Variants in SHISAL1 observed in about 807,000 individuals in gnomAD.
The protein encoded by SHISAL1 is shisa like 1.
Under a neutral mutation model 22.6 loss-of-function variants are expected in SHISAL1, and 9 were observed. That is an observed-to-expected ratio of 0.40 (90% CI 0.24 to 0.70). The LOEUF (loss-of-function observed/expected upper bound fraction) is 0.70. SHISAL1 is among the 30% of genes least tolerant of loss of function. The pLI, the probability that SHISAL1 is intolerant of heterozygous loss-of-function variation, is 0.39. For synonymous variants in SHISAL1, 119 were observed against 115.4 expected (o/e 1.03, Z -0.20); for missense variants, 246 against 270.6 (o/e 0.91, Z 0.64).
chr22:44,303,161 G>C (rs2055444595), intron 1 of SHISAL1, among the ~76,000 whole-genome samples: 1 of 152,072 alleles, frequency 6.6e-6, no homozygotes, highest in Non-Finnish European at 1.5e-5. Context: ...AGAGATGGGA[G>C]TTGATTTGCT....
chr22:44,256,859 A>T (rs563538321), intron 4 of SHISAL1, among the ~76,000 whole-genome samples: 21 of 152,354 alleles, frequency 1.4e-4, no homozygotes, highest in African/African-American at 4.3e-4. Context: ...AATTTCCAAG[A>T]AAAGAGAAAT....
At chr22:44,270,722 G>A (rs144485359) in intron 4 of SHISAL1, among the ~76,000 whole-genome samples, 76 of 152,146 alleles carry the variant, frequency 5.0e-4, no homozygotes, top group Non-Finnish European at 7.9e-4. Flanking sequence ...ACCCAAGGAC[G>A]CTGGGGGCCC....
At position 44,245,947 on chromosome 22, in the gene SHISAL1, A is replaced by G. The variant is rs1385189861; in HGVS notation, c.*3738T>C. 1.3e-5 allele frequency: 2 copies of G among 152,280 alleles called. No homozygotes were observed. Among genetic ancestry groups the G allele is most frequent in the African/African-American group, 4.8e-5 (2 of 41,472 alleles). The allele number at this position is 152,280 out of a possible 1,614,324, so 9.4% of individuals were successfully genotyped here. A position where few individuals can be genotyped will look rare whatever the true frequency, so the allele number is the denominator to read the frequency against. On this transcript the variant is annotated 3_prime_UTR_variant, in exon 5 of 5. Transcript: ENST00000381176. ...GCTTTCTAGAGCATTGGAGACAGCAAGAGGGACCAGATCTACCTGTGAAAT... is the reference window on the plus strand; with the variant it reads ...GCTTTCTAGAGCATTGGAGACAGCAGGAGGGACCAGATCTACCTGTGAAAT...
rs1014249527 is a variant in SHISAL1 at position 44,248,333 on chromosome 22, A to G, written c.*1352T>C. 2.0e-5 allele frequency: 3 copies of G among 152,258 alleles called. No homozygotes were observed. The highest frequency in any genetic ancestry group is 2.9e-5 in the Non-Finnish European group (2 of 68,084). 9.4% of individuals were successfully genotyped at this position (152,258 alleles called of 1,614,324 possible). On this transcript the variant is annotated 3_prime_UTR_variant, in exon 5 of 5. Transcript: ENST00000381176. ...CACATTGATCAAGCAGGGCCTCCCG[A>G]GCTAAGAGCTGGGGGAGATTTGGTA... is the stretch of plus-strand genomic sequence containing the variant.
rs1443807151 is a variant in SHISAL1 at position 44,261,148 on chromosome 22, C to CT, written c.*-11464dup. Among the ~76,000 whole-genome samples the CT allele has an allele frequency of 2.6e-4, 32 of 125,028 alleles. No homozygotes were observed. In the East Asian group the frequency reaches 4.3e-3, roughly 17 times the overall value. The allele number at this position is 125,028 out of a possible 152,430, so 82.0% of individuals were successfully genotyped here. On this transcript the variant is annotated intron_variant, in intron 4 of 4. Transcript: ENST00000381176. ...AAATGAAATATTTCAAAATCAATGA[C>CT]TTTTAAAAAAAAAAAATTCTACTTA... is the stretch of plus-strand genomic sequence containing the variant.
intron 2 of SHISAL1, among the ~76,000 whole-genome samples, chr22:44,299,815 T>C (rs537615921): frequency 3.7e-5 from 5 of 136,262 alleles, no homozygotes; most frequent in African/African-American, 8.4e-5. Context: ...GAGGCAGACA[T>C]AGACAGAGAC....
chr22:44,280,089 T>C (rs1162228511), intron 4 of SHISAL1, among the ~76,000 whole-genome samples: 1 of 152,058 alleles, frequency 6.6e-6, no homozygotes, highest in Admixed American at 6.5e-5. Flanking sequence ...CCATCCCCAC[T>C]CAGGCCCCTA....
At chr22:44,315,800 A>G (rs2055554513), upstream of SHISAL1, among the ~76,000 whole-genome samples, 6 of 152,134 alleles carry the variant, frequency 3.9e-5, 1 homozygote, top group South Asian at 1.2e-3. Flanking sequence ...GACTGAGATG[A>G]AGAACACGCA....
chr22:44,301,205 G>A (rs957693654), intron 1 of SHISAL1, among the ~76,000 whole-genome samples: 1 of 152,224 alleles, frequency 6.6e-6, no homozygotes, highest in Non-Finnish European at 1.5e-5. Flanking sequence ...ATGGCAAAAT[G>A]AGACTTAATC....
At chr22:44,290,007 C>T (rs1430442240) in intron 3 of SHISAL1, among the ~76,000 whole-genome samples, 5 of 152,210 alleles carry the variant, frequency 3.3e-5, no homozygotes, top group African/African-American at 1.2e-4. Context: ...GTAAACAAAA[C>T]CTCTGATGGA....
chr22:44,266,427 G>GC (rs2055161878), intron 4 of SHISAL1, among the ~76,000 whole-genome samples: 1 of 144,976 alleles, frequency 6.9e-6, no homozygotes, highest in African/African-American at 2.6e-5. Flanking sequence ...GGGGGGCTGT[G>GC]TGTGTGTTGG....
intron 1 of SHISAL1, among the ~76,000 whole-genome samples, chr22:44,302,424 T>G (rs189503542): frequency 6.9e-6 from 1 of 144,644 alleles, no homozygotes; most frequent in Non-Finnish European, 1.5e-5. Context: ...TAAAAAAAAA[T>G]TTTTAATGTT....
Position 44,285,529 on chromosome 22 carries a change from C to T in SHISAL1, c.498G>A (p.Gln166=), listed in dbSNP as rs369860120. 8.8e-5 allele frequency: 142 copies of T among 1,613,282 alleles called. 1 individual carries two copies. The African/African-American group carries it at 1.5e-3, about 17-fold the overall frequency. ...PRPGQRAPQP[Q]PPPGPLPQAP... is the part of the protein sequence containing the mutation. ...CTTGTGGCAGCGGGCCTGGGGGAGGCTGCGGCTGTGGGGCCCGCTGACCCG... is the reference window on the plus strand; with the variant it reads ...CTTGTGGCAGCGGGCCTGGGGGAGGTTGCGGCTGTGGGGCCCGCTGACCCG... Residue 166 remains glutamine (Q), a synonymous_variant, in exon 4 of 5, where the codon CAG becomes CAA. Transcript: ENST00000381176.
chr22:44,288,788 G>A (rs960692811), intron 3 of SHISAL1, among the ~76,000 whole-genome samples: 3 of 152,226 alleles, frequency 2.0e-5, no homozygotes, highest in Admixed American at 2.0e-4. Context: ...TCTTAGCCCA[G>A]ATATCGCCTC....
intron 3 of SHISAL1, among the ~76,000 whole-genome samples, chr22:44,287,349 C>G (rs546968865): frequency 6.6e-6 from 1 of 152,230 alleles, no homozygotes; most frequent in Non-Finnish European, 1.5e-5. Context: ...CGCTTTCGCT[C>G]TCTGCCTAGA....
At chr22:44,329,228 A>T in the SHISAL1 span, among the ~76,000 whole-genome samples, 1 of 152,186 alleles carries the variant, frequency 6.6e-6, no homozygotes. Flanking sequence ...GAGTTGGCTG[A>T]AGAAGGGGAG....
chr22:44,267,769 G>T (rs566288375), intron 4 of SHISAL1, among the ~76,000 whole-genome samples: 2 of 152,352 alleles, frequency 1.3e-5, no homozygotes, highest in East Asian at 3.9e-4. Flanking sequence ...CTCTGCACGT[G>T]CTATTTCCAG....
At chr22:44,289,566 C>T (rs2055339149) in intron 3 of SHISAL1, among the ~76,000 whole-genome samples, 1 of 152,126 alleles carries the variant, frequency 6.6e-6, no homozygotes, top group Non-Finnish European at 1.5e-5. Context: ...CCGGCCCTCC[C>T]AGCTCATCCT....
At chr22:44,313,313 C>T (rs547767377), upstream of SHISAL1, among the ~76,000 whole-genome samples, 1 of 152,358 alleles carries the variant, frequency 6.6e-6, no homozygotes, top group South Asian at 2.1e-4. Context: ...TCAGTGGCAC[C>T]ACTGCACAAG....
Sources: gnomAD v4.1 joint callset for allele counts (sites outside exome capture counted in the v4.1 genomes callset) on GRCh38, gnomAD v4.1.1 for gene constraint, MANE v1.5 for transcripts, NCBI Gene and HGNC (gene_info 2026-07-23, HGNC 2026-07-21) for gene names.